Variants in TBC1D10B observed in about 807,000 individuals in gnomAD.
TBC1D10B encodes Rab27A-GAPbeta.
Under a neutral mutation model 78.4 loss-of-function variants are expected in TBC1D10B, and 25 were observed. The observed-to-expected ratio is 0.32, with a 90% CI of 0.23 to 0.45. The LOEUF is 0.45. Among genes scored for constraint, TBC1D10B ranks in the 20% least tolerant of loss-of-function variants. The pLI is 1.00. For synonymous variants in TBC1D10B, 517 were observed against 478.0 expected (o/e 1.08, Z -1.06); for missense variants, 996 against 1,104.8 (o/e 0.90, Z 1.40).
In TBC1D10B at chr16:30,358,403, G is replaced by C. The variant is rs772267373; in HGVS notation, c.1968C>G (p.Ser656=). ...GGCCAGGGAGGCTGAGGAGGCTGGA[G>C]GAGGGGCCCAGGGGTGGCTGTTGCC... ...RRRQQPPLGP[S]SSLLSLPGLK... Residue 656 remains serine, a synonymous_variant, in exon 9 of 9, where the codon TCC becomes TCG. Coordinates refer to ENST00000409939, the MANE Select transcript of TBC1D10B (RefSeq NM_015527.4). 6.4e-7 allele frequency: 1 copy of C among 1,573,318 alleles called. No homozygotes were observed. The highest frequency in any genetic ancestry group is 8.6e-7 in the Non-Finnish European group (1 of 1,159,936).
chr16:30,369,221 T>C lies in TBC1D10B; in HGVS notation c.956+7A>G. 6.4e-7 allele frequency: 1 copy of C among 1,571,314 alleles called. No homozygotes were observed. The highest frequency in any genetic ancestry group is 1.4e-5 in the African/African-American group (1 of 73,856). On this transcript the variant is annotated splice_region_variant and intron_variant, in intron 1 of 8. Coordinates refer to ENST00000409939, the MANE Select transcript of TBC1D10B (RefSeq NM_015527.4). This position sits in a 1 kb window ranked among gnomAD's most constrained non-coding sequence, Gnocchi z 4.3. ...GGCGGTCCCGCTGGGTGCCCACTGG[T>C]ACTCACAGGCTGCCCGAGTACTGGC...
At position 30,365,427 on chromosome 16, in the gene TBC1D10B, G is replaced by A; in HGVS notation, c.1056+68C>T. The A allele has an allele frequency of 6.4e-7, 1 of 1,569,696 alleles. No homozygotes were observed. Among genetic ancestry groups the A allele is most frequent in the Non-Finnish European group, 8.8e-7 (1 of 1,139,810 alleles). The stretch of plus-strand genomic sequence containing the variant: ...AGGGCAGATATTATCGGCTTCCTGG[G>A]CTTCCCTGGAGCACATGCTACCCCT... On this transcript the variant is annotated intron_variant, in intron 2 of 8. Coordinates refer to ENST00000409939, the MANE Select transcript of TBC1D10B (RefSeq NM_015527.4). This position sits in a 1 kb window ranked among gnomAD's most constrained non-coding sequence, Gnocchi z 5.0.
intron 1 of TBC1D10B, among the ~76,000 whole-genome samples, chr16:30,368,969 A>T (rs1430611447): frequency 6.6e-6 from 1 of 152,234 alleles, no homozygotes; most frequent in African/African-American, 2.4e-5. Context: ...TGGGGAAGCC[A>T]CTAGCTCAAG....
At chr16:30,366,886 A>T (rs938326013) in intron 1 of TBC1D10B, 1 of 152,052 alleles carries the variant, frequency 6.6e-6, no homozygotes, top group African/African-American at 2.4e-5. Flanking sequence ...TTCCTCAATT[A>T]TAAAAAGACA....
chr16:30,358,465 G>A lies in TBC1D10B; in HGVS notation c.1906C>T (p.Leu636=), dbSNP rs781248443. ...GELQYRPSRR[L]HGSRAIHEER... is the part of the protein sequence containing the mutation. ...TCGTGGATGGCCCGGGACCCATGCA[G>A]TCGCCGTGAGGGCCGATACTGCAGC... The change falls in exon 9 of 9, where the codon CTG becomes TTG. Residue 636 remains leucine (L), a synonymous_variant. Coordinates refer to ENST00000409939, the MANE Select transcript of TBC1D10B (RefSeq NM_015527.4). The A allele has an allele frequency of 5.0e-6, 8 of 1,593,398 alleles. No homozygotes were observed. Among genetic ancestry groups the A allele is most frequent in the Non-Finnish European group, 6.8e-6 (8 of 1,170,498 alleles).
In TBC1D10B at chr16:30,358,048, G is replaced by T; in HGVS notation, c.2323C>A (p.Gln775Lys). 1 of 1,551,900 alleles carries T rather than the reference G, an allele frequency of 6.4e-7. No homozygotes were observed. The highest frequency in any genetic ancestry group is 8.7e-7 in the Non-Finnish European group (1 of 1,147,002). Residue 775 changes from glutamine (Q) to lysine (K), a missense_variant, in exon 9 of 9, where the codon CAA (glutamine) becomes AAA (lysine). Transcript: ENST00000409939. ...CGACGCAGCGAAAGCTTCCGGCCTT[G>T]AGCCTTCTTCTCCTGCTTCTGCCGC... ...KERQKQEKKA[Q>K]GRKLSLRRKA...
At chr16:30,360,909 C>T (rs1424801725) in intron 4 of TBC1D10B, among the ~76,000 whole-genome samples, 1 of 152,012 alleles carries the variant, frequency 6.6e-6, no homozygotes, top group Non-Finnish European at 1.5e-5. Context: ...CAACAACCCT[C>T]CCCTTGCTCC....
At chr16:30,364,837 A>C (rs894022275) in intron 4 of TBC1D10B, 63 bp downstream of exon 4, 10 of 1,445,480 alleles carry the variant, frequency 6.9e-6, no homozygotes, top group Non-Finnish European at 9.5e-6. Context: ...GTATCCACCT[A>C]GCTAAAAGGT....
chr16:30,368,374 T>G (rs879689574), intron 1 of TBC1D10B, among the ~76,000 whole-genome samples: 1 of 152,180 alleles, frequency 6.6e-6, no homozygotes, highest in Non-Finnish European at 1.5e-5. Flanking sequence ...TTTAAGTACT[T>G]TTCTTTCTCT....
chr16:30,359,272 A>G lies in TBC1D10B; in HGVS notation c.1542T>C (p.Ile514=), dbSNP rs1467623583. ...LAHRHLRRQR[I]DPVLYMTEWF... ...ACTCCGTCATGTAGAGCACAGGGTCAATGCGCTGCCGCCGCAGGTGGCGAT... is the reference window on the plus strand; with the variant it reads ...ACTCCGTCATGTAGAGCACAGGGTCGATGCGCTGCCGCCGCAGGTGGCGAT... The change falls in exon 7 of 9, where the codon ATT becomes ATC. Residue 514 remains isoleucine, a synonymous_variant. Coordinates refer to ENST00000409939, the MANE Select transcript of TBC1D10B (RefSeq NM_015527.4). The G allele has an allele frequency of 6.2e-7, 1 of 1,610,248 alleles. No homozygotes were observed. The highest frequency in any genetic ancestry group is 2.2e-5 in the East Asian group (1 of 44,672).
chr16:30,359,279 T>C lies in TBC1D10B; in HGVS notation c.1535A>G (p.Gln512Arg), dbSNP rs769787478. The stretch of plus-strand genomic sequence containing the variant: ...CATGTAGAGCACAGGGTCAATGCGC[T>C]GCCGCCGCAGGTGGCGATGCGCCAG... ...SPLAHRHLRR[Q>R]RIDPVLYMTE... Residue 512 changes from glutamine (Q) to arginine (R), a missense_variant, in exon 7 of 9, where the codon CAG becomes CGG. This residue lies in a region of TBC1D10B where 168 missense variants were observed against 238.7 expected (regional missense o/e 0.70). Transcript: ENST00000409939. 4 of 1,608,588 alleles carry C rather than the reference T, an allele frequency of 2.5e-6. No homozygotes were observed. Among genetic ancestry groups the C allele is most frequent in the Non-Finnish European group, 3.4e-6 (4 of 1,177,710 alleles).
Position 30,365,897 on chromosome 16 carries a change from CT to C in TBC1D10B, c.957-304del. On this transcript the variant is annotated intron_variant, in intron 1 of 8. Transcript: ENST00000409939. The surrounding 1 kb of genome is among the most constrained non-coding windows in gnomAD (Gnocchi z 5.0). ...CATTAGATCTGGATCCACGTCCTAG[CT>C]TTACCATTTATTCATTGTGTGACCT... 1 of 349,370 alleles carries C rather than the reference CT, an allele frequency of 2.9e-6. No individual in the cohort carries two copies. The highest frequency in any genetic ancestry group is 5.9e-5 in the East Asian group (1 of 17,060). The allele number at this position is 349,370 out of a possible 1,614,324, so 21.6% of individuals were successfully genotyped here. A position where few individuals can be genotyped will look rare whatever the true frequency, so the allele number is the denominator to read the frequency against.
At chr16:30,363,206 A>T (rs1204346257) in intron 4 of TBC1D10B, among the ~76,000 whole-genome samples, 2 of 152,108 alleles carry the variant, frequency 1.3e-5, no homozygotes, top group Non-Finnish European at 2.9e-5. Context: ...ATCCATTGGC[A>T]AATCCCTTTG....
In TBC1D10B at chr16:30,357,555, A is replaced by G; in HGVS notation, c.*389T>C. Reference sequence around the variant, plus strand: ...GGGGGAGACAGGGAGGGCTGAAGACAGGGAAAAGGAAGCCAGCTCCACCTC... The same window carrying G: ...GGGGGAGACAGGGAGGGCTGAAGACGGGGAAAAGGAAGCCAGCTCCACCTC... On this transcript the variant is annotated 3_prime_UTR_variant, in exon 9 of 9. Transcript: ENST00000409939. The G allele has an allele frequency of 4.2e-6, 1 of 240,732 alleles. No individual in the cohort carries two copies. The highest frequency in any genetic ancestry group is 8.2e-6 in the Non-Finnish European group (1 of 122,680). The allele number at this position is 240,732 out of a possible 1,614,324, so 14.9% of individuals were successfully genotyped here. A position where few individuals can be genotyped will look rare whatever the true frequency, so the allele number is the denominator to read the frequency against.
chr16:30,359,756 C>A lies in TBC1D10B; in HGVS notation c.1357G>T (p.Ala453Ser), dbSNP rs2049587400. The change falls in exon 5 of 9, where the codon GCG becomes TCG. Residue 453 changes from alanine (A) to serine (S), a missense_variant. Physicochemically the swap from Ala to Ser is moderately conservative, Grantham distance 99 (BLOSUM62 1). This residue lies in a region of TBC1D10B where 2 missense variants were observed against 18.8 expected (regional missense o/e 0.11). Coordinates refer to ENST00000409939, the MANE Select transcript of TBC1D10B (RefSeq NM_015527.4). ...GCAGGCATGTGCATGAGCAGGACCG[C>A]AGCCACGGGGGCCTGGGCCTGGCAG... ...GYCQAQAPVA[A>S]VLLMHMPAEQ... 1 of 1,590,036 alleles carries A rather than the reference C, an allele frequency of 6.3e-7. No homozygotes were observed. The highest frequency in any genetic ancestry group is 1.3e-5 in the African/African-American group (1 of 74,586).
rs561283379 is a variant in TBC1D10B at position 30,369,467 on chromosome 16, A to C, written c.717T>G (p.Pro239=). The part of the protein sequence containing the change: ...AVVTVTPAPE[P]AENSQDLGST... ...AGCCCAGGTCTTGAGAGTTTTCAGC[A>C]GGCTCCGGAGCTGGGGTCACGGTCA... Residue 239 remains proline (P), a synonymous_variant, in exon 1 of 9, where the codon CCT becomes CCG. Transcript: ENST00000409939. This position sits in a 1 kb window ranked among gnomAD's most constrained non-coding sequence, Gnocchi z 4.3. 247 of 1,551,798 alleles carry C rather than the reference A, an allele frequency of 1.6e-4. 1 individual carries two copies. Among genetic ancestry groups the C allele is most frequent in the Non-Finnish European group, 2.2e-5 (25 of 1,147,266 alleles).
chr16:30,360,944 C>A (rs184055236), intron 4 of TBC1D10B, among the ~76,000 whole-genome samples: 1 of 151,894 alleles, frequency 6.6e-6, no homozygotes, highest in Non-Finnish European at 1.5e-5. Flanking sequence ...CTCTCTCCAC[C>A]GTTCCCACAA....
Position 30,357,861 on chromosome 16 carries a change from T to G in TBC1D10B, c.*83A>C. 2.0e-6 allele frequency: 3 copies of G among 1,467,778 alleles called. No individual in the cohort carries two copies. The highest frequency in any genetic ancestry group is 1.8e-6 in the Non-Finnish European group (2 of 1,110,604). The allele number at this position is 1,467,778 out of a possible 1,614,324, so 90.9% of individuals were successfully genotyped here. A position where few individuals can be genotyped will look rare whatever the true frequency, so the allele number is the denominator to read the frequency against. On this transcript the variant is annotated 3_prime_UTR_variant, in exon 9 of 9. Coordinates refer to ENST00000409939, the MANE Select transcript of TBC1D10B (RefSeq NM_015527.4). Reference sequence around the variant, plus strand: ...CCCAGCAAGGGACAGCCTGACAAGGTGCTAGGGGGTGGCACCTTGGGCCAG... The same window carrying G: ...CCCAGCAAGGGACAGCCTGACAAGGGGCTAGGGGGTGGCACCTTGGGCCAG...
chr16:30,366,210 AAAT>A (rs2049633981), intron 1 of TBC1D10B: 1 of 152,530 alleles, frequency 6.6e-6, no homozygotes, highest in Admixed American at 6.5e-5. Flanking sequence ...AATAAAAATA[AAAT>A]AATAAAATAG....
Sources: gnomAD v4.1 joint callset for allele counts (sites outside exome capture counted in the v4.1 genomes callset) on GRCh38, gnomAD v4.1.1 for gene constraint, gnomAD v4.1.1 regional missense constraint, Gnocchi (gnomAD v3.1) non-coding constraint, MANE v1.5 for transcripts, NCBI Gene and HGNC (gene_info 2026-07-23, HGNC 2026-07-21) for gene names.